The following TGS1 variants were observed in gnomAD, a reference collection of about 807,000 sequenced individuals.
TGS1 encodes the protein trimethylguanosine synthase 1.
Under a neutral mutation model 92.2 loss-of-function variants are expected in TGS1, and 69 were observed. That is an observed-to-expected ratio of 0.75 (90% CI 0.62 to 0.91). The LOEUF (loss-of-function observed/expected upper bound fraction) is 0.91, where lower values mean the gene tolerates loss of function less well. Ranked by LOEUF, TGS1 falls within the 40% of genes least tolerant of loss-of-function variation. The pLI is 0.00. For missense variants in TGS1, 1,062 were observed against 1,001.2 expected (o/e 1.06, Z -0.82); for synonymous variants, 345 against 338.1 (o/e 1.02, Z -0.22).
intron 1 of TGS1, among the ~76,000 whole-genome samples, chr8:55,780,493 A>C (rs1301569376): frequency 6.6e-5 from 10 of 152,176 alleles, no homozygotes; most frequent in Non-Finnish European, 1.2e-4. Flanking sequence ...TTTTGTAGAC[A>C]GTATACCATC....
Position 55,792,715 on chromosome 8 carries a change from A to G in TGS1, c.1298A>G (p.Asp433Gly), listed in dbSNP as rs756307656. Residue 433 changes from aspartate to glycine, a missense_variant, in exon 6 of 13, where the codon GAT (aspartate) becomes GGT (glycine). Physicochemically the swap from Asp to Gly is moderately conservative, Grantham distance 94 (BLOSUM62 -1). Transcript: ENST00000260129. ...KLKRSHELDI[D>G]ENPASDFDDS... ...TTATTTAGCCATGAACTGGACATTG[A>G]TGAAAACCCAGCTTCAGACTTTGAT... 6.2e-7 allele frequency: 1 copy of G among 1,613,818 alleles called. No homozygotes were observed. The highest frequency in any genetic ancestry group is 8.5e-7 in the Non-Finnish European group (1 of 1,179,780).
chr8:55,791,106 T>G (rs369880302), intron 5 of TGS1, among the ~76,000 whole-genome samples: 43 of 152,322 alleles, frequency 2.8e-4, no homozygotes, highest in African/African-American at 9.6e-4. Flanking sequence ...CAAACAGGAA[T>G]GAGTACCTTG....
chr8:55,824,300 CT>C (rs1216849616), intron 12 of TGS1, among the ~76,000 whole-genome samples: 1 of 151,988 alleles, frequency 6.6e-6, no homozygotes, highest in Non-Finnish European at 1.5e-5. Flanking sequence ...TTTTTTCTTC[CT>C]TTGAGTTCTT....
Position 55,825,481 on chromosome 8 carries a change from AGTTT to A in TGS1, c.*782_*785del, listed in dbSNP as rs1360761262. The A allele has an allele frequency of 2.0e-5, 3 of 152,242 alleles. No homozygotes were observed. The highest frequency in any genetic ancestry group is 7.2e-5 in the African/African-American group (3 of 41,470). The allele number at this position is 152,242 out of a possible 1,614,324, so 9.4% of individuals were successfully genotyped here. A position where few individuals can be genotyped will look rare whatever the true frequency, so the allele number is the denominator to read the frequency against. ...GTGTTGCTTAATTATTCATCTAAAA[AGTTT>A]GTTCAGTCATTTTTACAAGTAGGCA... On this transcript the variant is annotated 3_prime_UTR_variant, in exon 13 of 13. Transcript: ENST00000260129.
At chr8:55,796,883 C>T (rs1056049250) in intron 7 of TGS1, among the ~76,000 whole-genome samples, 3 of 148,864 alleles carry the variant, frequency 2.0e-5, no homozygotes, top group African/African-American at 7.4e-5. Flanking sequence ...CCCAGCTACT[C>T]GGGAGGCTGA....
chr8:55,793,535 T>C lies in TGS1; in HGVS notation c.1367+751T>C, dbSNP rs75103117. Among the ~76,000 whole-genome samples, 91 of 152,250 alleles carry C rather than the reference T, an allele frequency of 6.0e-4. No homozygotes were observed. The East Asian group carries it at 0.017, about 28-fold the overall frequency. On this transcript the variant is annotated intron_variant, in intron 6 of 12. Transcript: ENST00000260129. ...TCCCTCCAAATTTACTGTTGTGTGCTATGACTACATACATGTACACACATT... is the reference window on the plus strand; with the variant it reads ...TCCCTCCAAATTTACTGTTGTGTGCCATGACTACATACATGTACACACATT...
In TGS1 at chr8:55,786,264, TA is replaced by T; in HGVS notation, c.370del (p.Ile124Ter). ...EVSMNTRNKV[K>X]IKKKKHQKKY... ...TATCTATGAATACTAGAAATAAAGTTAAAATAAAAAAGAAAAAACATCAAAA... is the reference window on the plus strand; with the variant it reads ...TATCTATGAATACTAGAAATAAAGTTAAATAAAAAAGAAAAAACATCAAAA... On this transcript the variant is annotated frameshift_variant, in exon 4 of 13. Transcript: ENST00000260129. LOFTEE classifies it high-confidence loss of function. 6.8e-7 allele frequency: 1 copy of T among 1,471,822 alleles called. No homozygotes were observed. The highest frequency in any genetic ancestry group is 9.2e-7 in the Non-Finnish European group (1 of 1,087,142). The allele number at this position is 1,471,822 out of a possible 1,614,324, so 91.2% of individuals were successfully genotyped here. A position where few individuals can be genotyped will look rare whatever the true frequency, so the allele number is the denominator to read the frequency against.
intron 5 of TGS1, among the ~76,000 whole-genome samples, chr8:55,791,063 C>T (rs1474230012): frequency 6.6e-6 from 1 of 152,132 alleles, no homozygotes; most frequent in African/African-American, 2.4e-5. Flanking sequence ...ACCTCAAGGT[C>T]ATGCTCTCAT....
chr8:55,787,571 C>T (rs1811755508), intron 4 of TGS1, among the ~76,000 whole-genome samples: 1 of 152,160 alleles, frequency 6.6e-6, no homozygotes, highest in Non-Finnish European at 1.5e-5. Context: ...GGATAAGGAA[C>T]TTGATTGATT....
chr8:55,805,188 T>C, intron 10 of TGS1, 152 bp downstream of exon 10: 1 of 538,840 alleles, frequency 1.9e-6, no homozygotes, highest in Non-Finnish European at 2.9e-6. Context: ...ATATTAAGCA[T>C]ATACTTTGTA....
chr8:55,774,454 T>C (rs1811322997), intron 1 of TGS1, among the ~76,000 whole-genome samples: 1 of 152,244 alleles, frequency 6.6e-6, no homozygotes, highest in Non-Finnish European at 1.5e-5. Flanking sequence ...TTTAATATAG[T>C]AGGATTTAAG....
Position 55,786,564 on chromosome 8 carries a change from A to C in TGS1, c.666A>C (p.Ala222=), listed in dbSNP as rs143280848. Residue 222 remains alanine (A), a synonymous_variant, in exon 4 of 13, where the codon GCA becomes GCC. Coordinates refer to ENST00000260129, the MANE Select transcript of TGS1 (RefSeq NM_024831.8). ...QSWQEKHPGQ[A]LSSEPWNFPD... is the part of the protein sequence containing the mutation. The stretch of plus-strand genomic sequence containing the variant: ...GGCAAGAAAAACATCCGGGTCAAGC[A>C]CTATCTTCTGAACCTTGGAACTTTC... 6.2e-4 allele frequency: 993 copies of C among 1,614,220 alleles called. 9 individuals are homozygous for C. The highest frequency in any genetic ancestry group is 5.2e-3 in the South Asian group (478 of 91,086).
chr8:55,789,874 GT>G (rs1811824066), intron 4 of TGS1, among the ~76,000 whole-genome samples: 1 of 152,152 alleles, frequency 6.6e-6, no homozygotes, highest in Non-Finnish European at 1.5e-5. Context: ...ACAAGAGTAG[GT>G]TACAGTCTTT....
At chr8:55,793,924 A>C (rs1275508125) in intron 6 of TGS1, among the ~76,000 whole-genome samples, 3 of 151,486 alleles carry the variant, frequency 2.0e-5, no homozygotes, top group African/African-American at 7.3e-5. Flanking sequence ...CACCACGTAC[A>C]CACATTTTGC....
intron 10 of TGS1, among the ~76,000 whole-genome samples, chr8:55,808,749 TCCAC>T (rs943908175): frequency 3.9e-5 from 6 of 152,066 alleles, no homozygotes; most frequent in African/African-American, 1.4e-4. Flanking sequence ...CCTCAGGTGA[TCCAC>T]CCAACCTCGG....
At chr8:55,817,480 A>G (rs1803513539) in intron 12 of TGS1, among the ~76,000 whole-genome samples, 1 of 152,220 alleles carries the variant, frequency 6.6e-6, no homozygotes, top group African/African-American at 2.4e-5. Context: ...AATTCAGTTT[A>G]TTAGCATTTG....
rs7837821 is a variant in TGS1, at chr8:55,825,697, A to G, written c.*994A>G. Among the ~76,000 whole-genome samples the G allele has an allele frequency of 0.68, 103,746 of 152,076 alleles. 35,466 individuals are homozygous for G. The highest frequency in any genetic ancestry group is 0.7 in the Admixed American group (10,726 of 15,274). On this transcript the variant is annotated 3_prime_UTR_variant, in exon 13 of 13. Transcript: ENST00000260129. ...ATTAGACTAGAAAAATAGCTGTTAT[A>G]TAAATAACTTTGTTGGAATATGCTA...
chr8:55,816,684 C>A (rs565887753), intron 12 of TGS1, among the ~76,000 whole-genome samples: 48 of 152,136 alleles, frequency 3.2e-4, no homozygotes, highest in Non-Finnish European at 5.7e-4. Context: ...GTCTGGCAGA[C>A]ATACTCCACC....
At chr8:55,814,674 A>AATATATATAT (rs1040682059) in intron 12 of TGS1, among the ~76,000 whole-genome samples, 11 of 123,328 alleles carry the variant, frequency 8.9e-5, no homozygotes, top group African/African-American at 3.2e-4. Flanking sequence ...AAAAAAAAAA[A>AATATATATAT]ATATATATAT....
Sources: allele counts gnomAD v4.1 joint callset (sites outside exome capture counted in the v4.1 genomes callset), GRCh38; gene constraint gnomAD v4.1.1; transcripts MANE v1.5; gene names NCBI Gene and HGNC (gene_info 2026-07-23, HGNC 2026-07-21).